The following FAM135B variants were observed in gnomAD, a reference collection of about 807,000 sequenced individuals.
FAM135B encodes protein FAM135B.
In FAM135B, 43 loss-of-function variants were observed where a neutral mutation model predicts 127.7. The observed-to-expected ratio is 0.34, with a 90% CI of 0.26 to 0.43. The LOEUF is 0.43. Ranked by LOEUF, FAM135B falls within the 20% of genes least tolerant of loss-of-function variation. The pLI is 1.00. For synonymous variants in FAM135B, 670 were observed against 665.1 expected, an observed-to-expected ratio of 1.01 and a Z score of -0.11; for missense variants, 1,558 against 1,725.6, an observed-to-expected ratio of 0.90 and a Z score of 1.72.
At chr8:138,381,700 G>A (rs142648265) in intron 1 of FAM135B, among the ~76,000 whole-genome samples, 1 of 152,214 alleles carries the variant, frequency 6.6e-6, no homozygotes, top group African/African-American at 2.4e-5. Flanking sequence ...AGTTTTCTGG[G>A]GCACTTGGAA....
chr8:138,154,549 A>C (rs1563699304), intron 12 of FAM135B, among the ~76,000 whole-genome samples: 1 of 152,162 alleles, frequency 6.6e-6, no homozygotes, highest in Non-Finnish European at 1.5e-5. Context: ...ACCTTGAAAA[A>C]AGATTAGACA....
chr8:138,447,143 A>T (rs1836218321), intron 1 of FAM135B, among the ~76,000 whole-genome samples: 1 of 152,246 alleles, frequency 6.6e-6, no homozygotes, highest in South Asian at 2.1e-4. Context: ...ATCATTAAAA[A>T]GTCAGGAAAC....
chr8:138,223,143 C>T (rs1351478438), intron 7 of FAM135B, among the ~76,000 whole-genome samples: 9 of 152,128 alleles, frequency 5.9e-5, no homozygotes, highest in Admixed American at 1.3e-4. Flanking sequence ...TTTCTTGTTC[C>T]GAAATGTCAG....
chr8:138,190,057 C>G (rs1815969702), intron 9 of FAM135B, among the ~76,000 whole-genome samples: 1 of 152,170 alleles, frequency 6.6e-6, no homozygotes, highest in Non-Finnish European at 1.5e-5. Context: ...CAGACAGCCC[C>G]TCGTCTGCTC....
chr8:138,308,752 C>T (rs969550225), intron 3 of FAM135B, among the ~76,000 whole-genome samples: 5 of 152,170 alleles, frequency 3.3e-5, no homozygotes, highest in African/African-American at 1.2e-4. Flanking sequence ...ACAGCTGGCG[C>T]CTGCCAGCTC....
At chr8:138,320,073 C>T (rs539919837) in intron 2 of FAM135B, among the ~76,000 whole-genome samples, 1 of 152,260 alleles carries the variant, frequency 6.6e-6, no homozygotes, top group African/African-American at 2.4e-5. Flanking sequence ...AGCGCCTCCA[C>T]GCAGTAATAC....
intron 2 of FAM135B, among the ~76,000 whole-genome samples, chr8:138,345,690 T>C (rs1224754603): frequency 6.6e-6 from 1 of 152,180 alleles, no homozygotes; most frequent in Non-Finnish European, 1.5e-5. Flanking sequence ...GCGACGACAA[T>C]GGACATCCCA....
intron 1 of FAM135B, among the ~76,000 whole-genome samples, chr8:138,380,208 C>CT (rs1211925377): frequency 6.7e-6 from 1 of 150,234 alleles, no homozygotes; most frequent in Non-Finnish European, 1.5e-5. Flanking sequence ...TTCTTTCTTT[C>CT]TTTTTTTGAG....
intron 2 of FAM135B, among the ~76,000 whole-genome samples, chr8:138,315,195 T>G (rs1012096307): frequency 6.6e-6 from 1 of 152,076 alleles, no homozygotes; most frequent in Non-Finnish European, 1.5e-5. Flanking sequence ...ACATTCAAAT[T>G]ACCAACACGT....
At chr8:138,367,628 A>G (rs534711450) in intron 2 of FAM135B, among the ~76,000 whole-genome samples, 1 of 152,232 alleles carries the variant, frequency 6.6e-6, no homozygotes, top group African/African-American at 2.4e-5. Context: ...TAAAATTGAC[A>G]TATGTATTAG....
intron 7 of FAM135B, among the ~76,000 whole-genome samples, chr8:138,231,192 A>C (rs903578540): frequency 1.3e-5 from 2 of 151,700 alleles, no homozygotes; most frequent in Non-Finnish European, 2.9e-5. Context: ...AACTAACTTT[A>C]ATATTTTTAG....
chr8:138,146,100 A>C (rs1817627098), intron 14 of FAM135B, 50 bp from the exon 15 acceptor site: 1 of 924,708 alleles, frequency 1.1e-6, no homozygotes, highest in South Asian at 1.5e-5. Context: ...AGTCATATAA[A>C]AGGTTGACAC....
intron 1 of FAM135B, among the ~76,000 whole-genome samples, chr8:138,492,627 C>T (rs1815247916): frequency 6.6e-6 from 1 of 152,118 alleles, no homozygotes; most frequent in Admixed American, 6.6e-5. Context: ...CCACCTCACC[C>T]CTTGGCCTCT....
At chr8:138,255,207 T>C (rs1398323438) in intron 5 of FAM135B, among the ~76,000 whole-genome samples, 1 of 152,018 alleles carries the variant, frequency 6.6e-6, no homozygotes, top group Non-Finnish European at 1.5e-5. Flanking sequence ...GTCTGAACTT[T>C]GAAGGGATAA....
chr8:138,352,784 C>T (rs1829861311), intron 2 of FAM135B, among the ~76,000 whole-genome samples: 1 of 5,078 alleles, frequency 2.0e-4, no homozygotes, highest in African/African-American at 8.7e-4. Flanking sequence ...GGTTCTATAG[C>T]TCCCTAATTC....
At chr8:138,262,471 C>T (rs906199996) in intron 4 of FAM135B, among the ~76,000 whole-genome samples, 9 of 152,236 alleles carry the variant, frequency 5.9e-5, no homozygotes, top group Admixed American at 3.3e-4. Flanking sequence ...CCACTCTAGG[C>T]AACCTAATGG....
chr8:138,387,664 A>C (rs1015815224), intron 1 of FAM135B, among the ~76,000 whole-genome samples: 4 of 152,076 alleles, frequency 2.6e-5, no homozygotes, highest in Admixed American at 6.5e-5. Context: ...AGTCCCACTT[A>C]ATCCTAGACA....
chr8:138,254,547 A>G (rs149100554), intron 5 of FAM135B, among the ~76,000 whole-genome samples: 76 of 152,346 alleles, frequency 5.0e-4, no homozygotes, highest in African/African-American at 1.7e-3. Flanking sequence ...GGAGCACAAT[A>G]AAGTCAGGGC....
At chr8:138,428,700 C>T (rs1376357569) in intron 1 of FAM135B, among the ~76,000 whole-genome samples, 1 of 152,072 alleles carries the variant, frequency 6.6e-6, no homozygotes, top group Non-Finnish European at 1.5e-5. Flanking sequence ...CCTTAAAGAT[C>T]CACATGTTCA....
Sources: allele counts gnomAD v4.1 joint callset (sites outside exome capture counted in the v4.1 genomes callset), GRCh38; gene constraint gnomAD v4.1.1; transcripts MANE v1.5; gene names NCBI Gene and HGNC (gene_info 2026-07-23, HGNC 2026-07-21).